TMEM266: variants seen among roughly 807,000 people sequenced by gnomAD.
TMEM266 encodes the protein Hv1 related protein 1.
Under a neutral mutation model 50.5 loss-of-function variants are expected in TMEM266, and 33 were observed. That is an observed-to-expected ratio of 0.65 (90% CI 0.50 to 0.87). The LOEUF (loss-of-function observed/expected upper bound fraction) is 0.87, where lower values mean the gene tolerates loss of function less well. Ranked by LOEUF, TMEM266 falls within the 40% of genes least tolerant of loss-of-function variation. The pLI is 0.00. For synonymous variants in TMEM266, 310 were observed against 292.3 expected (o/e 1.06, Z -0.62); for missense variants, 655 against 695.1 (o/e 0.94, Z 0.65).
At chr15:76,113,915 A>G (rs1293097498) in intron 1 of TMEM266, 1 of 152,174 alleles carries the variant, frequency 6.6e-6, no homozygotes, top group Admixed American at 6.6e-5. Flanking sequence ...ACTCAAAAAA[A>G]AAAAGAAAAA....
intron 3 of TMEM266, among the ~76,000 whole-genome samples, chr15:76,147,456 A>C (rs1465766265): frequency 6.6e-6 from 1 of 152,120 alleles, no homozygotes; most frequent in Non-Finnish European, 1.5e-5. Flanking sequence ...GAGGAAAAGA[A>C]AGGAGCTTCG....
chr15:76,165,675 T>C (rs1443636371), intron 5 of TMEM266, among the ~76,000 whole-genome samples: 3 of 152,222 alleles, frequency 2.0e-5, no homozygotes, highest in Admixed American at 1.3e-4. Context: ...CCTGCTTTTT[T>C]AGTGAGCCGT....
At chr15:76,069,101 CAT>C (rs1035397940) in intron 1 of TMEM266, among the ~76,000 whole-genome samples, 6 of 152,106 alleles carry the variant, frequency 3.9e-5, no homozygotes, top group Admixed American at 2.0e-4. Context: ...GGATCAGTGA[CAT>C]AGCAGAAAAA....
chr15:76,142,258 G>A (rs982664486), intron 3 of TMEM266, among the ~76,000 whole-genome samples: 4 of 152,170 alleles, frequency 2.6e-5, no homozygotes, highest in Non-Finnish European at 4.4e-5. Context: ...GTGTGGTGGC[G>A]CATGCCTGTA....
chr15:76,135,568 C>A (rs2037575905), intron 2 of TMEM266, among the ~76,000 whole-genome samples: 1 of 152,220 alleles, frequency 6.6e-6, no homozygotes, highest in South Asian at 2.1e-4. Context: ...AAATTCAACC[C>A]AGCATCTGCT....
intron 1 of TMEM266, among the ~76,000 whole-genome samples, chr15:76,128,591 G>A (rs187139102): frequency 1.3e-4 from 20 of 152,258 alleles, no homozygotes; most frequent in Middle Eastern, 3.4e-3. Context: ...TGCCTGCTTC[G>A]TGCTAGGCTT....
At chr15:76,198,955 G>A (rs914352436) in intron 9 of TMEM266, among the ~76,000 whole-genome samples, 3 of 87,096 alleles carry the variant, frequency 3.4e-5, no homozygotes, top group East Asian at 9.1e-4. Context: ...GAGAGCAAGT[G>A]CAGACTGAAA....
rs202007831 is a variant in TMEM266 at position 76,153,864 on chromosome 15, C to CA, written c.228-2740_228-2739insA. On this transcript the variant is annotated intron_variant, in intron 3 of 10. Coordinates refer to ENST00000388942, the MANE Select transcript of TMEM266 (RefSeq NM_152335.3). This position sits in a 1 kb window ranked among gnomAD's most constrained non-coding sequence, Gnocchi z 4.2. Reference sequence around the variant, plus strand: ...GCAAAGGCTCGTTAATGGATGGAAGCGCTGTGCCGCTGGCACTGCTGCGGG... The same window carrying CA: ...GCAAAGGCTCGTTAATGGATGGAAGCAGCTGTGCCGCTGGCACTGCTGCGGG... Among the ~76,000 whole-genome samples the CA allele has an allele frequency of 3.9e-5, 6 of 152,308 alleles. No homozygotes were observed. In the South Asian group the frequency reaches 1.0e-3, roughly 26 times the overall value.
chr15:76,175,918 C>T (rs540865390), intron 8 of TMEM266: 13 of 394,798 alleles, frequency 3.3e-5, no homozygotes, highest in Admixed American at 1.7e-4. Flanking sequence ...CACTGTAGCA[C>T]GGTGACTCTT....
chr15:76,170,888 C>T (rs556106105), intron 6 of TMEM266, 105 bp from the exon 7 acceptor site: 85 of 1,412,640 alleles, frequency 6.0e-5, no homozygotes, highest in African/African-American at 8.6e-5. Context: ...GGTGGGGGCC[C>T]GGGCTGCTGG....
chr15:76,110,930 G>C (rs1241986043), intron 1 of TMEM266, among the ~76,000 whole-genome samples: 5 of 152,076 alleles, frequency 3.3e-5, no homozygotes, highest in Admixed American at 3.3e-4. Context: ...AAACAACAAC[G>C]GGATACTATT....
chr15:76,118,077 T>G (rs1475273994), intron 1 of TMEM266, among the ~76,000 whole-genome samples: 1 of 152,230 alleles, frequency 6.6e-6, no homozygotes, highest in Non-Finnish European at 1.5e-5. Context: ...ACCAGATACA[T>G]GCTTCAAAGT....
intron 1 of TMEM266, among the ~76,000 whole-genome samples, chr15:76,085,249 G>A (rs1362641013): frequency 9.9e-5 from 15 of 151,080 alleles, no homozygotes; most frequent in African/African-American, 3.2e-4. Flanking sequence ...TTGAGCCACC[G>A]CGCCCAGCCT....
At chr15:76,063,479 C>T (rs187214775) in intron 1 of TMEM266, among the ~76,000 whole-genome samples, 1 of 152,306 alleles carries the variant, frequency 6.6e-6, no homozygotes, top group East Asian at 1.9e-4. Flanking sequence ...ACTAATGGTT[C>T]TCTCCCCTGG....
chr15:76,127,655 G>A (rs1330536470), intron 1 of TMEM266, among the ~76,000 whole-genome samples: 33 of 152,062 alleles, frequency 2.2e-4, no homozygotes, highest in African/African-American at 2.4e-5. Flanking sequence ...GTCACTGCTA[G>A]GTATACTGTT....
chr15:76,075,045 TAA>T (rs2141986638), intron 1 of TMEM266, among the ~76,000 whole-genome samples: 1 of 152,156 alleles, frequency 6.6e-6, no homozygotes, highest in South Asian at 2.1e-4. Context: ...TAGGGGGAAA[TAA>T]AGAGTTCTGT....
At chr15:76,192,186 A>C (rs986900388) in intron 9 of TMEM266, 29 bp downstream of exon 9, 2 of 1,388,090 alleles carry the variant, frequency 1.4e-6, no homozygotes, top group African/African-American at 1.5e-5. Context: ...CCGGCCCCAG[A>C]GTGTCACGGC....
intron 1 of TMEM266, among the ~76,000 whole-genome samples, chr15:76,084,587 G>A (rs939829314): frequency 3.7e-5 from 5 of 135,432 alleles, no homozygotes; most frequent in African/African-American, 1.5e-4. Flanking sequence ...CAGAGATGAG[G>A]GTTTTTTTTG....
In TMEM266 at chr15:76,110,520, C is replaced by T. The variant is rs894407790; in HGVS notation, c.-96-23648C>T. Among the ~76,000 whole-genome samples, 8 of 152,236 alleles carry T rather than the reference C, an allele frequency of 5.3e-5. No homozygotes were observed. In the East Asian group the frequency reaches 1.5e-3, roughly 29 times the overall value. On this transcript the variant is annotated intron_variant, in intron 1 of 10. Coordinates refer to ENST00000388942, the MANE Select transcript of TMEM266 (RefSeq NM_152335.3). Reference sequence around the variant, plus strand: ...GAAGCCAAAAGATTGGACACCCCTGCTTTAGATGTTAGTAAGTTGGGTTCT... The same window carrying T: ...GAAGCCAAAAGATTGGACACCCCTGTTTTAGATGTTAGTAAGTTGGGTTCT...
Sources: gnomAD v4.1 joint callset for allele counts (sites outside exome capture counted in the v4.1 genomes callset) on GRCh38, gnomAD v4.1.1 for gene constraint, Gnocchi (gnomAD v3.1) non-coding constraint, MANE v1.5 for transcripts, NCBI Gene and HGNC (gene_info 2026-07-23, HGNC 2026-07-21) for gene names.